RPH3A: variants seen among roughly 807,000 people sequenced by gnomAD.
RPH3A encodes the protein rabphilin 3A.
RPH3A carries 48 observed loss-of-function variants against 102.2 expected under a neutral mutation model. The observed-to-expected ratio is 0.47, with a 90% CI of 0.37 to 0.60. The LOEUF is 0.60. RPH3A is among the 20% of genes least tolerant of loss of function. The pLI is 0.00. For missense variants in RPH3A, 781 were observed against 910.1 expected (o/e 0.86, Z 1.83); for synonymous variants, 310 against 324.3 (o/e 0.96, Z 0.47).
intron 2 of RPH3A, among the ~76,000 whole-genome samples, chr12:112,811,384 T>C (rs190104534): frequency 3.7e-4 from 57 of 152,306 alleles, no homozygotes; most frequent in Non-Finnish European, 3.8e-4. Context: ...AATTGTATCA[T>C]ATGCATTATT....
chr12:112,877,459 C>CACACACACA (rs1555219884), intron 13 of RPH3A, among the ~76,000 whole-genome samples: 8 of 146,268 alleles, frequency 5.5e-5, no homozygotes, highest in Admixed American at 1.4e-4. Context: ...CACACACACA[C>CACACACACA]CAGTGGCATT....
chr12:112,731,026 A>G (rs981582789), intron 1 of RPH3A, among the ~76,000 whole-genome samples: 1 of 152,210 alleles, frequency 6.6e-6, no homozygotes, highest in East Asian at 1.9e-4. Context: ...AATTTCCTAT[A>G]AGAAAAGAGC....
chr12:112,810,088 C>T (rs2041543376), intron 2 of RPH3A, among the ~76,000 whole-genome samples: 2 of 152,164 alleles, frequency 1.3e-5, no homozygotes, highest in South Asian at 4.1e-4. Context: ...TTTCTCGATT[C>T]CTCAGACTCC....
intron 1 of RPH3A, among the ~76,000 whole-genome samples, chr12:112,722,989 A>G (rs1434413270): frequency 2.6e-5 from 4 of 152,232 alleles, no homozygotes; most frequent in Non-Finnish European, 5.9e-5. Context: ...CACTTATTAG[A>G]CACTAAGAGA....
intron 1 of RPH3A, among the ~76,000 whole-genome samples, chr12:112,621,331 G>A (rs1169373218): frequency 6.6e-6 from 1 of 150,408 alleles, no homozygotes; most frequent in African/African-American, 2.5e-5. Context: ...CAGACAGTGG[G>A]CGCAGGCCAG....
At chr12:112,803,281 GT>G (rs1295530019) in intron 2 of RPH3A, among the ~76,000 whole-genome samples, 1 of 152,080 alleles carries the variant, frequency 6.6e-6, no homozygotes, top group Non-Finnish European at 1.5e-5. Context: ...TTGGGTACAA[GT>G]TCCAGATGTG....
At chr12:112,692,796 G>T (rs1293943659) in intron 1 of RPH3A, among the ~76,000 whole-genome samples, 3 of 152,184 alleles carry the variant, frequency 2.0e-5, no homozygotes, top group African/African-American at 7.2e-5. Context: ...CATTTCTTCA[G>T]TCTGGGCCAC....
chr12:112,825,534 C>G (rs573767544), intron 2 of RPH3A, among the ~76,000 whole-genome samples: 4 of 152,042 alleles, frequency 2.6e-5, no homozygotes, highest in Non-Finnish European at 5.9e-5. Flanking sequence ...GGTCTCTCCC[C>G]CCCTTACTCT....
intron 1 of RPH3A, among the ~76,000 whole-genome samples, chr12:112,619,110 G>C (rs1865400894): frequency 6.6e-6 from 1 of 152,110 alleles, no homozygotes; most frequent in Non-Finnish European, 1.5e-5. Flanking sequence ...TCAGTTGATA[G>C]ACATTTGTGT....
chr12:112,812,066 A>T (rs1420380240), intron 2 of RPH3A, among the ~76,000 whole-genome samples: 1 of 151,560 alleles, frequency 6.6e-6, no homozygotes, highest in Non-Finnish European at 1.5e-5. Flanking sequence ...AAAAAAAAAG[A>T]GCATCTCCTT....
At chr12:112,866,701 C>A in intron 6 of RPH3A, 56 bp from the exon 7 acceptor site, 1 of 1,458,882 alleles carries the variant, frequency 6.9e-7, no homozygotes. Flanking sequence ...GGCTACGTTG[C>A]CATGCCTCCC....
At chr12:112,825,985 C>T (rs73427025) in intron 2 of RPH3A, among the ~76,000 whole-genome samples, 7,826 of 152,060 alleles carry the variant, frequency 0.051, 653 homozygotes, top group African/African-American at 0.17. Context: ...ATGTGCAGGT[C>T]TGTCACTCAG....
Position 112,868,601 on chromosome 12 carries a change from A to G in RPH3A, c.610+6A>G, listed in dbSNP as rs193012997. ...TGCCCGGGCTCCAGCTCGAGGTAGGACAAAACAGGTGCTTCTTTCAGGACC... is the reference window on the plus strand; with the variant it reads ...TGCCCGGGCTCCAGCTCGAGGTAGGGCAAAACAGGTGCTTCTTTCAGGACC... On this transcript the variant is annotated splice_donor_region_variant and intron_variant, in intron 8 of 21. Transcript: ENST00000389385. 60 of 1,612,714 alleles carry G rather than the reference A, an allele frequency of 3.7e-5. 1 individual carries two copies. The Admixed American group carries it at 8.5e-4, about 23-fold the overall frequency.
intron 2 of RPH3A, among the ~76,000 whole-genome samples, chr12:112,821,536 C>G (rs1485648095): frequency 6.6e-6 from 1 of 152,024 alleles, no homozygotes; most frequent in African/African-American, 2.4e-5. Context: ...TTTACTTTTT[C>G]CTCTGCCTGA....
intron 1 of RPH3A, among the ~76,000 whole-genome samples, chr12:112,582,508 G>A (rs1310639400): frequency 6.8e-6 from 1 of 146,858 alleles, no homozygotes; most frequent in African/African-American, 2.5e-5. Flanking sequence ...GTGCAGTGTC[G>A]TGATCATAGC....
chr12:112,882,650 C>T (rs2042934381), intron 15 of RPH3A, among the ~76,000 whole-genome samples: 1 of 152,222 alleles, frequency 6.6e-6, no homozygotes, highest in Admixed American at 6.5e-5. Context: ...CCTCACCTGG[C>T]CATGGCCAAA....
chr12:112,789,523 G>T (rs1387649838), upstream of RPH3A, among the ~76,000 whole-genome samples: 8 of 152,136 alleles, frequency 5.3e-5, no homozygotes, highest in Admixed American at 5.2e-4. Flanking sequence ...CCTTGAGCAA[G>T]GAATTTTATT....
At chr12:112,670,963 C>T (rs1421468682) in intron 1 of RPH3A, among the ~76,000 whole-genome samples, 1 of 151,926 alleles carries the variant, frequency 6.6e-6, no homozygotes, top group Non-Finnish European at 1.5e-5. Flanking sequence ...ATAGGGAGAA[C>T]ATTAACTAGG....
Position 112,828,318 on chromosome 12 carries a change from T to C in RPH3A, c.-1T>C, listed in dbSNP as rs142412254. 4 of 1,611,668 alleles carry C rather than the reference T, an allele frequency of 2.5e-6. No homozygotes were observed. The East Asian group carries it at 6.7e-5, about 27-fold the overall frequency. On this transcript the variant is annotated 5_prime_UTR_variant, in exon 3 of 22. Transcript: ENST00000389385. ...TTTTCCAGGAGCACTAGACATCTACTATGACTGACACCGTGTTCAGCAACA... is the reference window on the plus strand; with the variant it reads ...TTTTCCAGGAGCACTAGACATCTACCATGACTGACACCGTGTTCAGCAACA...
Sources: allele counts gnomAD v4.1 joint callset (sites outside exome capture counted in the v4.1 genomes callset), GRCh38; gene constraint gnomAD v4.1.1; transcripts MANE v1.5; gene names NCBI Gene and HGNC (gene_info 2026-07-23, HGNC 2026-07-21).